Variants in ANKS1B observed in about 807,000 individuals in gnomAD.
ANKS1B encodes the protein ankyrin repeat and sterile alpha motif domain-containing protein 1B.
ANKS1B carries 36 observed loss-of-function variants against 148.3 expected under a neutral mutation model. That is an observed-to-expected ratio of 0.24 (90% CI 0.19 to 0.32). ANKS1B has a LOEUF of 0.32. Among genes scored for constraint, ANKS1B ranks in the 10% least tolerant of loss-of-function variants. The probability of loss-of-function intolerance (pLI) is 1.00; values close to 1 mark genes in which losing one functional copy is unlikely to be tolerated. For synonymous variants in ANKS1B, 542 were observed against 560.8 expected (o/e 0.97, Z 0.47); for missense variants, 1,157 against 1,542.6 (o/e 0.75, Z 4.19).
At chr12:98,864,306 T>C (rs775309269) in intron 17 of ANKS1B, among the ~76,000 whole-genome samples, 5 of 152,216 alleles carry the variant, frequency 3.3e-5, no homozygotes, top group Non-Finnish European at 7.3e-5. Flanking sequence ...TCAAGTCTTC[T>C]CCTCTAGCTA....
intron 9 of ANKS1B, among the ~76,000 whole-genome samples, chr12:99,537,007 A>T (rs11109908): frequency 0.32 from 48,274 of 151,938 alleles, 8,668 homozygotes; most frequent in African/African-American, 0.48. Context: ...AAACATTTGA[A>T]GTTTGTCTTT....
intron 12 of ANKS1B, among the ~76,000 whole-genome samples, chr12:99,347,494 A>C (rs2152365417): frequency 6.6e-6 from 1 of 152,136 alleles, no homozygotes; most frequent in Admixed American, 6.6e-5. Context: ...TGCTTAGCTG[A>C]GTGTTAAAGG....
At chr12:99,125,507 C>T (rs996321805) in intron 15 of ANKS1B, among the ~76,000 whole-genome samples, 1 of 152,144 alleles carries the variant, frequency 6.6e-6, no homozygotes, top group South Asian at 2.1e-4. Context: ...AGATTCAAGA[C>T]CTTCATTTCC....
At chr12:99,789,293 G>A (rs1427237405) in intron 4 of ANKS1B, among the ~76,000 whole-genome samples, 1 of 152,144 alleles carries the variant, frequency 6.6e-6, no homozygotes, top group Non-Finnish European at 1.5e-5. Flanking sequence ...AAACCACAGT[G>A]TTAGTGGGTT....
chr12:99,556,230 A>G (rs897624316), intron 9 of ANKS1B, among the ~76,000 whole-genome samples: 7 of 152,152 alleles, frequency 4.6e-5, no homozygotes, highest in African/African-American at 1.2e-4. Context: ...AGGTGTTGAT[A>G]ATAGTTCCTG....
At chr12:98,914,268 T>G (rs73382423) in intron 17 of ANKS1B, among the ~76,000 whole-genome samples, 16,620 of 152,120 alleles carry the variant, frequency 0.11, 980 homozygotes, top group Middle Eastern at 0.17. Context: ...TCAGCCATGA[T>G]TGTAAGCTTC....
At chr12:99,397,909 G>A (rs1352825843) in intron 12 of ANKS1B, among the ~76,000 whole-genome samples, 1 of 152,030 alleles carries the variant, frequency 6.6e-6, no homozygotes, top group African/African-American at 2.4e-5. Context: ...ATGACACTTA[G>A]GCACATGAAA....
At chr12:99,471,670 A>ACT (rs397757059) in intron 10 of ANKS1B, among the ~76,000 whole-genome samples, 4 of 151,826 alleles carry the variant, frequency 2.6e-5, no homozygotes, top group African/African-American at 9.7e-5. Context: ...ACACACACAC[A>ACT]TACACACGCT....
At chr12:99,560,334 T>A (rs2153194719) in intron 9 of ANKS1B, among the ~76,000 whole-genome samples, 1 of 152,300 alleles carries the variant, frequency 6.6e-6, no homozygotes, top group South Asian at 2.1e-4. Context: ...TGTTGTTTTT[T>A]TTCACATAGC....
intron 9 of ANKS1B, among the ~76,000 whole-genome samples, chr12:99,614,892 G>GA (rs36019881): frequency 0.13 from 18,616 of 148,784 alleles, 1,318 homozygotes; most frequent in African/African-American, 0.16. Context: ...TCTTCCTCAG[G>GA]AAAAAAAAAA....
intron 16 of ANKS1B, among the ~76,000 whole-genome samples, chr12:99,070,280 A>T (rs564042141): frequency 2.0e-4 from 31 of 152,280 alleles, no homozygotes; most frequent in South Asian, 1.0e-3. Flanking sequence ...TGAAGTAGAA[A>T]ATCTCATTGA....
At chr12:99,414,226 C>T (rs2094819591) in intron 11 of ANKS1B, among the ~76,000 whole-genome samples, 1 of 152,044 alleles carries the variant, frequency 6.6e-6, no homozygotes, top group Admixed American at 6.6e-5. Flanking sequence ...ATAACTCAGC[C>T]TACATAAACT....
chr12:99,324,212 A>AT (rs2085870765), intron 12 of ANKS1B, among the ~76,000 whole-genome samples: 1 of 152,176 alleles, frequency 6.6e-6, no homozygotes, highest in South Asian at 2.1e-4. Context: ...ATTTATCTAA[A>AT]TTTTGCTGGG....
chr12:99,183,381 T>C (rs1447430692), intron 14 of ANKS1B, among the ~76,000 whole-genome samples: 1 of 152,182 alleles, frequency 6.6e-6, no homozygotes, highest in Non-Finnish European at 1.5e-5. Flanking sequence ...CAGTGGCTCA[T>C]GCCCGTAATC....
intron 17 of ANKS1B, among the ~76,000 whole-genome samples, chr12:98,895,589 G>C (rs2099763248): frequency 6.6e-6 from 1 of 152,236 alleles, no homozygotes; most frequent in South Asian, 2.1e-4. Flanking sequence ...CTCAACTTGT[G>C]TGCGCCGGTG....
At chr12:99,955,558 A>G (rs1347975207) in intron 1 of ANKS1B, among the ~76,000 whole-genome samples, 2 of 147,218 alleles carry the variant, frequency 1.4e-5, no homozygotes, top group African/African-American at 5.0e-5. Flanking sequence ...TTGGAGTCTC[A>G]GCATTCCATC....
chr12:99,607,573 A>G (rs1023702163), intron 9 of ANKS1B, among the ~76,000 whole-genome samples: 3 of 152,078 alleles, frequency 2.0e-5, no homozygotes, highest in Non-Finnish European at 4.4e-5. Context: ...CAGATCCTAC[A>G]GCTTTAACTT....
intron 17 of ANKS1B, among the ~76,000 whole-genome samples, chr12:98,940,851 G>A (rs2099835571): frequency 6.6e-6 from 1 of 152,070 alleles, no homozygotes; most frequent in Non-Finnish European, 1.5e-5. Context: ...TCATTGAAAG[G>A]CATATCTCAA....
At chr12:99,695,832 TG>T (rs1245191823) in intron 8 of ANKS1B, among the ~76,000 whole-genome samples, 4 of 152,302 alleles carry the variant, frequency 2.6e-5, no homozygotes, top group African/African-American at 9.6e-5. Context: ...CCATGGCATA[TG>T]TTTACCTATG....
Sources: gnomAD v4.1 joint callset for allele counts (sites outside exome capture counted in the v4.1 genomes callset) on GRCh38, gnomAD v4.1.1 for gene constraint, MANE v1.5 for transcripts, NCBI Gene and HGNC (gene_info 2026-07-23, HGNC 2026-07-21) for gene names.